Variants in AKAP13 observed in about 807,000 individuals in gnomAD.
The protein encoded by AKAP13 is A-kinase anchoring protein 13, also known as A-kinase anchor protein 13.
In AKAP13, 80 loss-of-function variants were observed where a neutral mutation model predicts 264.5. That is an observed-to-expected ratio of 0.30 (90% CI 0.25 to 0.36). The LOEUF (loss-of-function observed/expected upper bound fraction) is 0.36. Among genes scored for constraint, AKAP13 ranks in the 10% least tolerant of loss-of-function variants. The pLI is 1.00. For missense variants in AKAP13, 3,712 were observed against 3,435.2 expected (o/e 1.08, Z -2.01); for synonymous variants, 1,380 against 1,250.2 (o/e 1.10, Z -2.19).
chr15:85,462,820 C>T (rs1005026368), intron 1 of AKAP13, among the ~76,000 whole-genome samples: 6 of 151,276 alleles, frequency 4.0e-5, no homozygotes, highest in Non-Finnish European at 8.9e-5. Context: ...GTCAGGAGAT[C>T]GAGACCATCC....
intron 1 of AKAP13, among the ~76,000 whole-genome samples, chr15:85,413,266 G>A (rs1188533731): frequency 6.6e-6 from 1 of 152,176 alleles, no homozygotes; most frequent in Non-Finnish European, 1.5e-5. Flanking sequence ...TTAGAAGGTG[G>A]TTCTTTCAGA....
intron 1 of AKAP13, among the ~76,000 whole-genome samples, chr15:85,400,077 G>T (rs1421906323): frequency 6.6e-6 from 1 of 152,282 alleles, no homozygotes; most frequent in East Asian, 1.9e-4. Flanking sequence ...GGGATTACAG[G>T]CATGAGCCAC....
At chr15:85,567,941 GGTGTGT>G (rs57049395) in intron 5 of AKAP13, among the ~76,000 whole-genome samples, 1,936 of 141,910 alleles carry the variant, frequency 0.014, 22 homozygotes, top group South Asian at 0.017. Flanking sequence ...AGCCCAAAGA[GGTGTGT>G]GTGTGTGTGT....
At chr15:85,565,783 C>G (rs2078585780) in intron 5 of AKAP13, among the ~76,000 whole-genome samples, 1 of 152,196 alleles carries the variant, frequency 6.6e-6, no homozygotes, top group Non-Finnish European at 1.5e-5. Flanking sequence ...CAGGGCCTTG[C>G]CTTTCCTTCC....
chr15:85,517,720 C>T (rs1460627048), intron 2 of AKAP13, among the ~76,000 whole-genome samples: 2 of 151,948 alleles, frequency 1.3e-5, no homozygotes, highest in Admixed American at 1.3e-4. Context: ...TATTTTAGAA[C>T]ACAGTTTATT....
rs117985856 is a variant in AKAP13, at chr15:85,620,968, G to A, written c.4162-18406G>A. ...TTTTTGGAAATTTAGCAATTTTCTGGCAAAGGCAGGGGAAATTGGAAGTCA... is the reference window on the plus strand; with the variant it reads ...TTTTTGGAAATTTAGCAATTTTCTGACAAAGGCAGGGGAAATTGGAAGTCA... On this transcript the variant is annotated intron_variant, in intron 8 of 36. Transcript: ENST00000394518. Among the ~76,000 whole-genome samples, 624 of 152,260 alleles carry A rather than the reference G, an allele frequency of 4.1e-3. 3 individuals are homozygous for A. Among genetic ancestry groups the A allele is most frequent in the Non-Finnish European group, 7.1e-3 (484 of 68,000 alleles).
intron 4 of AKAP13, among the ~76,000 whole-genome samples, chr15:85,542,643 G>T (rs932714726): frequency 6.6e-6 from 1 of 152,212 alleles, no homozygotes; most frequent in African/African-American, 2.4e-5. Context: ...GCTCCCTGGA[G>T]TTAAGTGTAG....
intron 2 of AKAP13, among the ~76,000 whole-genome samples, chr15:85,511,762 G>A (rs2076430816): frequency 6.6e-6 from 1 of 152,134 alleles, no homozygotes; most frequent in Non-Finnish European, 1.5e-5. Flanking sequence ...CAGGGGCTGG[G>A]AGTACAGGCA....
chr15:85,562,899 A>G (rs1470160023), intron 5 of AKAP13, among the ~76,000 whole-genome samples: 6 of 146,534 alleles, frequency 4.1e-5, no homozygotes, highest in Non-Finnish European at 9.0e-5. Flanking sequence ...TTTTTAGTAG[A>G]GATAGGGTTT....
intron 8 of AKAP13, among the ~76,000 whole-genome samples, chr15:85,598,437 C>A (rs144644840): frequency 6.6e-6 from 1 of 152,146 alleles, no homozygotes; most frequent in Non-Finnish European, 1.5e-5. Context: ...GACTTGTCAG[C>A]GGGAGAGGCA....
rs761125632 is a variant in AKAP13, at chr15:85,515,293, A to G, written c.34-6135A>G. Reference sequence around the variant, plus strand: ...ATAAACTTTATGCCCCTATTTTCCAACTGTTGACATTTTGCCATATTTGCT... The same window carrying G: ...ATAAACTTTATGCCCCTATTTTCCAGCTGTTGACATTTTGCCATATTTGCT... On this transcript the variant is annotated intron_variant, in intron 2 of 36. Transcript: ENST00000394518. Among the ~76,000 whole-genome samples, 49 of 138,310 alleles carry G rather than the reference A, an allele frequency of 3.5e-4. 14 individuals carry two copies. The highest frequency in any genetic ancestry group is 1.4e-3 in the African/African-American group (49 of 34,452). The allele number at this position is 138,310 out of a possible 152,430, so 90.7% of individuals were successfully genotyped here.
chr15:85,634,318 A>T (rs1313196043), intron 8 of AKAP13, among the ~76,000 whole-genome samples: 1 of 152,212 alleles, frequency 6.6e-6, no homozygotes, highest in Admixed American at 6.5e-5. Context: ...AGAGTTTAAG[A>T]TTCTCACTAA....
intron 3 of AKAP13, among the ~76,000 whole-genome samples, chr15:85,532,965 G>A (rs1041584336): frequency 6.6e-6 from 1 of 152,182 alleles, no homozygotes; most frequent in Non-Finnish European, 1.5e-5. Context: ...TTACATTAGT[G>A]GTTGAGATGG....
rs369557295 is a variant in AKAP13 at position 85,449,922 on chromosome 15, G to A, written c.-11-35788G>A. Among the ~76,000 whole-genome samples the A allele has an allele frequency of 4.4e-4, 67 of 152,252 alleles. 1 individual carries two copies. The South Asian group carries it at 0.013, about 29-fold the overall frequency. On this transcript the variant is annotated intron_variant, in intron 1 of 36. Transcript: ENST00000394518. ...TGCTAGGTTTTGGTATCAAGATGAT[G>A]CTGGCCTCATAGAGTGAGTTGGGAG...
chr15:85,552,994 A>G (rs922213540), intron 5 of AKAP13, among the ~76,000 whole-genome samples: 2 of 152,158 alleles, frequency 1.3e-5, no homozygotes, highest in African/African-American at 2.4e-5. Context: ...CTACAATTTA[A>G]AAAATTGTTT....
chr15:85,462,357 T>C (rs1025534137), intron 1 of AKAP13, among the ~76,000 whole-genome samples: 15 of 152,182 alleles, frequency 9.9e-5, no homozygotes, highest in Admixed American at 6.5e-4. Flanking sequence ...GCATCCACAC[T>C]AATGCTTAAA....
intron 8 of AKAP13, among the ~76,000 whole-genome samples, chr15:85,612,843 A>G (rs574376732): frequency 1.3e-5 from 2 of 151,574 alleles, no homozygotes; most frequent in African/African-American, 4.8e-5. Context: ...AAAGAAAAAA[A>G]GAAAGAAAAA....
At chr15:85,468,842 A>T (rs756759053) in intron 1 of AKAP13, among the ~76,000 whole-genome samples, 41 of 151,890 alleles carry the variant, frequency 2.7e-4, no homozygotes, top group Non-Finnish European at 2.9e-4. Flanking sequence ...GTTTACATAC[A>T]GGTCTCTCCT....
intron 4 of AKAP13, among the ~76,000 whole-genome samples, chr15:85,542,743 G>C (rs2151211530): frequency 6.6e-6 from 1 of 152,334 alleles, no homozygotes; most frequent in Non-Finnish European, 1.5e-5. Flanking sequence ...TGAAGGAAGA[G>C]AGTATTGCTA....
Sources: allele counts gnomAD v4.1 joint callset (sites outside exome capture counted in the v4.1 genomes callset), GRCh38; gene constraint gnomAD v4.1.1; transcripts MANE v1.5; gene names NCBI Gene and HGNC (gene_info 2026-07-23, HGNC 2026-07-21).